RFC3: variants seen among roughly 807,000 people sequenced by gnomAD.
RFC3 encodes the protein A1 38 kDa subunit.
In RFC3, 41 loss-of-function variants were observed where a neutral mutation model predicts 45.1. That is an observed-to-expected ratio of 0.91 (90% confidence interval 0.71 to 1.18). The LOEUF (loss-of-function observed/expected upper bound fraction) is 1.18, where lower values mean the gene tolerates loss of function less well. Among genes scored for constraint, RFC3 ranks in the 50% most tolerant of loss-of-function variants. The pLI, the probability that RFC3 is intolerant of heterozygous loss-of-function variation, is 0.00. For synonymous variants in RFC3, 149 were observed against 144.0 expected (o/e 1.03, Z -0.25); for missense variants, 423 against 428.1 (o/e 0.99, Z 0.10).
Position 33,892,020 on chromosome 13 carries a change from G to C in RFC3, c.879+56803G>C, listed in dbSNP as rs549089481. On this transcript the variant is annotated intron_variant, in intron 8 of 8. Transcript: ENST00000434425. ...TATAATTTAATAACATTATTCAACT[G>C]TCTCTACATAATACCAAAATAACCA... Among the ~76,000 whole-genome samples, 4 of 152,004 alleles carry C rather than the reference G, an allele frequency of 2.6e-5. No homozygotes were observed. The South Asian group carries it at 8.3e-4, about 32-fold the overall frequency.
intron 8 of RFC3, among the ~76,000 whole-genome samples, chr13:33,952,555 A>G (rs754704925): frequency 3.9e-5 from 6 of 152,230 alleles, no homozygotes; most frequent in Non-Finnish European, 8.8e-5. Context: ...AGTAGGAATA[A>G]AGAATGCTGT....
intron 8 of RFC3, among the ~76,000 whole-genome samples, chr13:33,872,274 C>A (rs1310897641): frequency 6.6e-6 from 1 of 152,190 alleles, no homozygotes; most frequent in Non-Finnish European, 1.5e-5. Context: ...GGAAGGTCGT[C>A]AGCGTGGAGA....
At chr13:33,918,323 C>T (rs145128009) in intron 8 of RFC3, among the ~76,000 whole-genome samples, 135 of 152,260 alleles carry the variant, frequency 8.9e-4, no homozygotes, top group African/African-American at 2.8e-3. Context: ...GGAGTACCTT[C>T]GCTACAGTAC....
At chr13:33,970,103 A>G (rs1335328569), downstream of RFC3, among the ~76,000 whole-genome samples, 4 of 151,822 alleles carry the variant, frequency 2.6e-5, no homozygotes, top group Non-Finnish European at 5.9e-5. Context: ...CCACCCTCCA[A>G]CAGACCCCAG....
rs191356618 is a variant in RFC3 at position 33,869,640 on chromosome 13, C to T, written c.879+34423C>T. 1.9e-3 allele frequency among the ~76,000 whole-genome samples: 287 copies of T among 152,216 alleles called. 2 individuals carry two copies. The highest frequency in any genetic ancestry group is 0.013 in the East Asian group (68 of 5,176). On this transcript the variant is annotated intron_variant, in intron 8 of 8. Transcript: ENST00000434425. ...AGTTCTTTGCCTTTCTTTTCCTCATCTAGTTTTGCTACTGGATGGGGCTGG... is the reference window on the plus strand; with the variant it reads ...AGTTCTTTGCCTTTCTTTTCCTCATTTAGTTTTGCTACTGGATGGGGCTGG...
At chr13:33,892,316 T>A (rs977419130) in intron 8 of RFC3, among the ~76,000 whole-genome samples, 1 of 152,110 alleles carries the variant, frequency 6.6e-6, no homozygotes, top group African/African-American at 2.4e-5. Flanking sequence ...GGAGCCAGAA[T>A]AAGGGATGTG....
In RFC3 at chr13:33,890,060, G is replaced by A. The variant is rs576018014; in HGVS notation, c.879+54843G>A. On this transcript the variant is annotated intron_variant, in intron 8 of 8. Coordinates refer to the RFC3 transcript ENST00000434425. ...ATTTTATATATGTATCTGTTAGTAC[G>A]TTGGTGATGATGGAGATAATGACTC... is the stretch of plus-strand genomic sequence containing the variant. 2.6e-5 allele frequency among the ~76,000 whole-genome samples: 4 copies of A among 152,246 alleles called. No homozygotes were observed. In the South Asian group the frequency reaches 8.3e-4, roughly 32 times the overall value.
the RFC3 span, among the ~76,000 whole-genome samples, chr13:33,973,154 G>GTATA: frequency 6.6e-6 from 1 of 150,410 alleles, no homozygotes; most frequent in Non-Finnish European, 1.5e-5. Flanking sequence ...GTGTGTGTGT[G>GTATA]TATATATATA....
chr13:33,924,673 A>G (rs541912709), intron 8 of RFC3, among the ~76,000 whole-genome samples: 1 of 147,350 alleles, frequency 6.8e-6, no homozygotes, highest in Non-Finnish European at 1.5e-5. Context: ...ATATATATAT[A>G]TTATATATAT....
intron 8 of RFC3, among the ~76,000 whole-genome samples, chr13:33,946,753 A>G (rs1029878298): frequency 2.6e-5 from 4 of 152,228 alleles, no homozygotes; most frequent in Admixed American, 1.3e-4. Context: ...AGGGAGAATC[A>G]TTTTAATAGT....
chr13:33,909,267 C>A (rs1049672488), intron 8 of RFC3, among the ~76,000 whole-genome samples: 3 of 152,016 alleles, frequency 2.0e-5, no homozygotes, highest in African/African-American at 7.2e-5. Context: ...ACAACTCTTT[C>A]ACTTTATCTT....
the RFC3 span, among the ~76,000 whole-genome samples, chr13:33,976,061 G>A: frequency 1.3e-5 from 2 of 152,138 alleles, no homozygotes; most frequent in African/African-American, 4.8e-5. Context: ...AAATAAGAAA[G>A]TGCCAAAAAG....
In RFC3 at chr13:33,874,474, C is replaced by A. The variant is rs149661306; in HGVS notation, c.879+39257C>A. On this transcript the variant is annotated intron_variant, in intron 8 of 8. Coordinates refer to the RFC3 transcript ENST00000434425. The stretch of plus-strand genomic sequence containing the variant: ...CTGGGATTACAGGCATGCGCCACCA[C>A]GCCTGGCTAATTTTTTGTATTTTTA... Among the ~76,000 whole-genome samples, 771 of 152,290 alleles carry A rather than the reference C, an allele frequency of 5.1e-3. 12 individuals carry two copies. The highest frequency in any genetic ancestry group is 0.018 in the African/African-American group (728 of 41,556).
At chr13:33,872,106 A>G (rs764710632) in intron 8 of RFC3, among the ~76,000 whole-genome samples, 1 of 151,942 alleles carries the variant, frequency 6.6e-6, no homozygotes, top group Non-Finnish European at 1.5e-5. Context: ...CCTAATATCT[A>G]CTTGTTTGTT....
chr13:33,900,416 T>C (rs1276554123), intron 8 of RFC3, among the ~76,000 whole-genome samples: 2 of 151,558 alleles, frequency 1.3e-5, no homozygotes, highest in African/African-American at 4.8e-5. Context: ...TTTCCAAGAA[T>C]GTACAATGGA....
chr13:33,974,906 G>GTCA, the RFC3 span, among the ~76,000 whole-genome samples: 1 of 152,120 alleles, frequency 6.6e-6, no homozygotes, highest in Admixed American at 6.5e-5. Context: ...ACTAACTGAT[G>GTCA]GCAATGATGT....
chr13:33,915,269 A>G (rs2082725783), intron 8 of RFC3, among the ~76,000 whole-genome samples: 1 of 152,176 alleles, frequency 6.6e-6, no homozygotes, highest in South Asian at 2.1e-4. Context: ...TGATGCTGCC[A>G]ACAGAGAATT....
intron 8 of RFC3, among the ~76,000 whole-genome samples, chr13:33,929,022 A>G (rs2082835130): frequency 6.6e-6 from 1 of 152,178 alleles, no homozygotes; most frequent in Non-Finnish European, 1.5e-5. Context: ...AAATGGACAA[A>G]TAATTTTTTT....
intron 8 of RFC3, among the ~76,000 whole-genome samples, chr13:33,915,160 A>C: frequency 6.6e-6 from 1 of 152,180 alleles, no homozygotes; most frequent in East Asian, 1.9e-4. Flanking sequence ...ATTTACAAGT[A>C]TATTGAATTT....
Sources: allele counts gnomAD v4.1 joint callset (sites outside exome capture counted in the v4.1 genomes callset), GRCh38; gene constraint gnomAD v4.1.1; transcripts MANE v1.5; gene names NCBI Gene and HGNC (gene_info 2026-07-23, HGNC 2026-07-21).